Variants in EGFR observed in about 807,000 individuals in gnomAD.
EGFR encodes the protein avian erythroblastic leukemia viral (v-erb-b) oncogene homolog.
Under a neutral mutation model 143.0 loss-of-function variants are expected in EGFR, and 58 were observed. The observed-to-expected ratio is 0.41, with a 90% CI of 0.33 to 0.50. EGFR has a LOEUF of 0.50. Ranked by LOEUF, EGFR falls within the 20% of genes least tolerant of loss-of-function variation. EGFR has a pLI of 0.39. For synonymous variants in EGFR, 613 were observed against 594.4 expected, an observed-to-expected ratio of 1.03 and a Z score of -0.45; for missense variants, 1,307 against 1,579.0, an observed-to-expected ratio of 0.83 and a Z score of 2.92.
intron 1 of EGFR, among the ~76,000 whole-genome samples, chr7:55,108,279 T>G (rs908219183): frequency 2.0e-5 from 3 of 152,248 alleles, no homozygotes; most frequent in Admixed American, 2.0e-4. Flanking sequence ...TTAGAACTTA[T>G]AACTCATGTT....
At chr7:55,110,052 G>C (rs985209590) in intron 1 of EGFR, 25 of 619,800 alleles carry the variant, frequency 4.0e-5, no homozygotes, top group Non-Finnish European at 4.8e-5. Context: ...CACATGATGA[G>C]ATACTGCTGG....
chr7:55,019,156 C>T lies in EGFR; in HGVS notation c.-122C>T. The T allele has an allele frequency of 1.3e-6, 1 of 770,382 alleles. No homozygotes were observed. Among genetic ancestry groups the T allele is most frequent in the Non-Finnish European group, 1.9e-6 (1 of 515,128 alleles). The allele number at this position is 770,382 out of a possible 1,614,324, so 47.7% of individuals were successfully genotyped here. On this transcript the variant is annotated 5_prime_UTR_variant, in exon 1 of 28. Coordinates refer to ENST00000275493, the MANE Select transcript of EGFR (RefSeq NM_005228.5). ...CCGCCGCCCAGACCGGACGACAGGC[C>T]ACCTCGTCGGCGTCCGCCCGAGTCC...
chr7:55,140,942 C>T (rs565291037), intron 1 of EGFR, among the ~76,000 whole-genome samples: 2 of 152,284 alleles, frequency 1.3e-5, no homozygotes, highest in African/African-American at 4.8e-5. Context: ...ATTTCCATGG[C>T]TCATTGAGAG....
chr7:55,027,726 A>C (rs571496338), intron 1 of EGFR, among the ~76,000 whole-genome samples: 1 of 152,248 alleles, frequency 6.6e-6, no homozygotes, highest in African/African-American at 2.4e-5. Flanking sequence ...AAATGAAACA[A>C]AAGTTTGCAC....
chr7:55,037,475 G>C lies in EGFR; in HGVS notation c.88+18110G>C, dbSNP rs548856128. ...ATGTGTCTATATGATTAAGCATAAC[G>C]TAGCTTTGCAGCACTCTTCACAGCT... is the stretch of plus-strand genomic sequence containing the variant. On this transcript the variant is annotated intron_variant, in intron 1 of 27. Coordinates refer to ENST00000275493, the MANE Select transcript of EGFR (RefSeq NM_005228.5). Among the ~76,000 whole-genome samples, 5 of 152,316 alleles carry C rather than the reference G, an allele frequency of 3.3e-5. No homozygotes were observed. The East Asian group carries it at 9.7e-4, about 29-fold the overall frequency.
chr7:55,106,575 C>T (rs968637808), intron 1 of EGFR, among the ~76,000 whole-genome samples: 1 of 152,176 alleles, frequency 6.6e-6, no homozygotes, highest in Non-Finnish European at 1.5e-5. Flanking sequence ...ATCAGGCCTG[C>T]ACTGCCTGTG....
chr7:55,064,925 T>G (rs1789410551), intron 1 of EGFR, among the ~76,000 whole-genome samples: 1 of 152,196 alleles, frequency 6.6e-6, no homozygotes, highest in East Asian at 1.9e-4. Flanking sequence ...GTCCCTGCAT[T>G]TCCTGGTCAA....
intron 22 of EGFR, among the ~76,000 whole-genome samples, chr7:55,196,424 C>T (rs1787622346): frequency 6.6e-6 from 1 of 151,654 alleles, no homozygotes; most frequent in Admixed American, 6.6e-5. Flanking sequence ...GTTATTAGAC[C>T]CTTCTCAGAT....
chr7:55,202,978 G>C, intron 27 of EGFR: 1 of 543,662 alleles, frequency 1.8e-6, no homozygotes, highest in East Asian at 3.0e-5. Context: ...TGACAGATTT[G>C]ATCCCTGTTC....
intron 1 of EGFR, among the ~76,000 whole-genome samples, chr7:55,128,078 T>C (rs894483781): frequency 5.3e-5 from 8 of 152,238 alleles, no homozygotes; most frequent in Admixed American, 1.3e-4. Flanking sequence ...TGCTTAGACC[T>C]ATAATGGGTG....
At chr7:55,066,284 T>C (rs1464115411) in intron 1 of EGFR, among the ~76,000 whole-genome samples, 1 of 152,224 alleles carries the variant, frequency 6.6e-6, no homozygotes, top group Non-Finnish European at 1.5e-5. Context: ...CATAATAGTG[T>C]GGCATTTGAT....
chr7:55,129,543 G>C (rs1426561966), intron 1 of EGFR, among the ~76,000 whole-genome samples: 2 of 152,200 alleles, frequency 1.3e-5, no homozygotes. Flanking sequence ...CCATTTGGTA[G>C]AGTATGGGAA....
intron 1 of EGFR, among the ~76,000 whole-genome samples, chr7:55,053,670 A>G (rs1788618523): frequency 6.6e-6 from 1 of 152,150 alleles, no homozygotes; most frequent in African/African-American, 2.4e-5. Flanking sequence ...TCACCACACA[A>G]AGTGAAGGCT....
intron 15 of EGFR, among the ~76,000 whole-genome samples, chr7:55,165,648 C>T (rs1785940882): frequency 6.6e-6 from 1 of 152,160 alleles, no homozygotes. Context: ...ACCGTGTCCC[C>T]GGCCGGGCCT....
At chr7:55,066,107 C>T (rs994759122) in intron 1 of EGFR, among the ~76,000 whole-genome samples, 2 of 152,124 alleles carry the variant, frequency 1.3e-5, no homozygotes, top group Non-Finnish European at 2.9e-5. Flanking sequence ...GTGACAGAGT[C>T]CCCTGCACAG....
intron 1 of EGFR, among the ~76,000 whole-genome samples, chr7:55,076,462 A>G (rs574379751): frequency 3.3e-5 from 5 of 152,312 alleles, no homozygotes; most frequent in Non-Finnish European, 7.4e-5. Context: ...AATGATTACA[A>G]TTTTTAGGAC....
intron 1 of EGFR, among the ~76,000 whole-genome samples, chr7:55,026,798 A>G (rs772842498): frequency 6.6e-6 from 1 of 152,160 alleles, no homozygotes; most frequent in Non-Finnish European, 1.5e-5. Flanking sequence ...TGTAAGAGAA[A>G]GCGCTCTTGA....
intron 20 of EGFR, among the ~76,000 whole-genome samples, chr7:55,186,267 C>A (rs1214687870): frequency 1.3e-5 from 2 of 152,234 alleles, no homozygotes; most frequent in Admixed American, 6.5e-5. Flanking sequence ...GGAGAAGAGA[C>A]CCTGGCTTGC....
chr7:55,139,161 C>T (rs73135300), intron 1 of EGFR, among the ~76,000 whole-genome samples: 36,421 of 152,046 alleles, frequency 0.24, 4,647 homozygotes, highest in Admixed American at 0.29. Context: ...CAGAGATCAA[C>T]GTTATTGTCA....
Sources: allele counts gnomAD v4.1 joint callset (sites outside exome capture counted in the v4.1 genomes callset), GRCh38; gene constraint gnomAD v4.1.1; transcripts MANE v1.5; gene names NCBI Gene and HGNC (gene_info 2026-07-23, HGNC 2026-07-21).